Variants in RNF128 observed in about 807,000 individuals in gnomAD.
RNF128 encodes the protein ring finger protein 128.
RNF128 carries 13 observed loss-of-function variants against 26.2 expected under a neutral mutation model. That is an observed-to-expected ratio of 0.50 (90% CI 0.32 to 0.79). RNF128 has a LOEUF of 0.79. Ranked by LOEUF, RNF128 falls within the 30% of genes least tolerant of loss-of-function variation. RNF128 has a pLI of 0.03. For synonymous variants in RNF128, 149 were observed against 142.5 expected (o/e 1.05, Z -0.32); for missense variants, 315 against 349.7 (o/e 0.90, Z 0.79).
chrX:106,702,239 C>CA (rs762171747), intron 1 of RNF128, among the ~76,000 whole-genome samples: 167 of 111,281 alleles, frequency 1.5e-3, no homozygotes, highest in Non-Finnish European at 2.9e-3. Flanking sequence ...CTTTCAAGTA[C>CA]ATTTCATCTC....
chrX:106,766,598 T>G (rs1930249787), intron 1 of RNF128, among the ~76,000 whole-genome samples: 1 of 112,474 alleles, frequency 8.9e-6, no homozygotes, highest in African/African-American at 3.2e-5. Flanking sequence ...AAGTTCATTG[T>G]AGATTCTGGA....
chrX:106,704,810 G>C lies in RNF128; in HGVS notation c.406+10402G>C, dbSNP rs753183809. Among the ~76,000 whole-genome samples, 195 of 112,026 alleles carry C rather than the reference G, an allele frequency of 1.7e-3. 1 individual carries two copies. Among genetic ancestry groups the C allele is most frequent in the Non-Finnish European group, 3.3e-3 (176 of 53,202 alleles). On this transcript the variant is annotated intron_variant, in intron 1 of 6. Transcript: ENST00000324342. ...TTGGGAAACTAGCTAAGGATGGAAT[G>C]AATGTGATACCAGGTGGCAATAATG...
intron 1 of RNF128, among the ~76,000 whole-genome samples, chrX:106,754,252 C>T (rs1929954013): frequency 9.2e-6 from 1 of 108,690 alleles, no homozygotes. Context: ...CAAGTTCTCA[C>T]TCTGTTGCCC....
chrX:106,745,342 A>G (rs971699168), intron 1 of RNF128, among the ~76,000 whole-genome samples: 4 of 111,776 alleles, frequency 3.6e-5, no homozygotes, highest in African/African-American at 1.3e-4. Flanking sequence ...CCAAAAGATG[A>G]TCTGTGATAA....
chrX:106,693,948 T>C (rs1235023304), exon 1 of RNF128: 2 of 1,070,705 alleles, frequency 1.9e-6, no homozygotes, highest in African/African-American at 3.7e-5. Context: ...CAATGGTGAC[T>C]GATAGTTGGA....
At chrX:106,767,788 G>A (rs1248105809) in intron 1 of RNF128, among the ~76,000 whole-genome samples, 1 of 111,688 alleles carries the variant, frequency 9.0e-6, no homozygotes, top group Non-Finnish European at 1.9e-5. Flanking sequence ...TCCCTGTCTT[G>A]TGCCAGTTTT....
intron 1 of RNF128, among the ~76,000 whole-genome samples, chrX:106,728,405 A>G (rs1929446542): frequency 8.9e-6 from 1 of 112,063 alleles, no homozygotes; most frequent in Non-Finnish European, 1.9e-5. Context: ...TTCTCTCATC[A>G]GTCAAATGAG....
intron 1 of RNF128, among the ~76,000 whole-genome samples, chrX:106,764,095 T>C (rs982193776): frequency 9.1e-6 from 1 of 109,511 alleles, no homozygotes; most frequent in African/African-American, 3.3e-5. Flanking sequence ...CCCCAGTAGC[T>C]GGGGCTACAG....
At chrX:106,765,921 A>G (rs1602384417) in intron 1 of RNF128, among the ~76,000 whole-genome samples, 1 of 81,667 alleles carries the variant, frequency 1.2e-5, no homozygotes, top group Admixed American at 1.9e-4. Context: ...CCCTGTGTCC[A>G]AGTGTTCTCA....
In RNF128 at chrX:106,796,847, G is replaced by A. The variant is rs1034506221; in HGVS notation, c.*1134G>A. 8.9e-6 allele frequency: 1 copy of A among 111,819 alleles called. No individual in the cohort carries two copies. The allele number at this position is 111,819 out of a possible 1,213,427, so 9.2% of individuals were successfully genotyped here. On this transcript the variant is annotated 3_prime_UTR_variant, in exon 7 of 7. Transcript: ENST00000255499. The stretch of plus-strand genomic sequence containing the variant: ...TTTGTTCAAATTATAGCAGAATTTA[G>A]GCAAAAATAAAACAGACATGTATTT...
intron 1 of RNF128, among the ~76,000 whole-genome samples, chrX:106,759,378 T>C (rs943123771): frequency 6.3e-5 from 7 of 111,538 alleles, no homozygotes; most frequent in Admixed American, 4.8e-4. Context: ...ATATGGAGGT[T>C]CCTCAGAAAA....
At chrX:106,694,889 A>G (rs779510750) in intron 1 of RNF128, among the ~76,000 whole-genome samples, 6 of 111,665 alleles carry the variant, frequency 5.4e-5, no homozygotes, top group Middle Eastern at 4.6e-3. Flanking sequence ...ACTCTACTGT[A>G]TGCTTGTAAG....
chrX:106,749,113 G>A (rs1313637528), intron 1 of RNF128, among the ~76,000 whole-genome samples: 2 of 111,210 alleles, frequency 1.8e-5, no homozygotes, highest in African/African-American at 3.3e-5. Flanking sequence ...CCAAAATCTT[G>A]TTTAATATGA....
At chrX:106,730,228 A>G (rs1409412816) in intron 1 of RNF128, among the ~76,000 whole-genome samples, 1 of 112,423 alleles carries the variant, frequency 8.9e-6, no homozygotes, top group Non-Finnish European at 1.9e-5. Flanking sequence ...AAATTTTTCA[A>G]AAGTTAATTG....
Position 106,795,851 on chromosome X carries a change from T to C in RNF128, c.*138T>C. On this transcript the variant is annotated 3_prime_UTR_variant, in exon 7 of 7. Coordinates refer to ENST00000255499, the MANE Select transcript of RNF128 (RefSeq NM_194463.2). ...TGCTCAGATGACTAATATTATGCTA[T>C]AGTTAAATGGCTTAAAATATTTAAC... 2.2e-6 allele frequency: 1 copy of C among 445,186 alleles called. No homozygotes were observed. Among genetic ancestry groups the C allele is most frequent in the Non-Finnish European group, 3.5e-6 (1 of 285,673 alleles). The allele number at this position is 445,186 out of a possible 1,213,427, so 36.7% of individuals were successfully genotyped here. A position where few individuals can be genotyped will look rare whatever the true frequency, so the allele number is the denominator to read the frequency against.
chrX:106,769,344 T>A (rs1198901017), intron 1 of RNF128, among the ~76,000 whole-genome samples: 14 of 110,670 alleles, frequency 1.3e-4, no homozygotes, highest in Admixed American at 9.6e-5. Context: ...ATTGTGTGCG[T>A]GTCTAAGTCT....
intron 1 of RNF128, among the ~76,000 whole-genome samples, chrX:106,704,206 A>C (rs181648143): frequency 0.045 from 4,975 of 109,639 alleles, 294 homozygotes; most frequent in African/African-American, 0.16. Flanking sequence ...GGGGCCAAGA[A>C]GGGCAGATCA....
At chrX:106,761,513 G>A (rs1930120276) in intron 1 of RNF128, among the ~76,000 whole-genome samples, 1 of 111,332 alleles carries the variant, frequency 9.0e-6, no homozygotes, top group Non-Finnish European at 1.9e-5. Context: ...CAATAGCAAA[G>A]TCATGGAATC....
chrX:106,718,614 T>C (rs972442833), intron 1 of RNF128, among the ~76,000 whole-genome samples: 4 of 109,994 alleles, frequency 3.6e-5, no homozygotes, highest in Non-Finnish European at 1.9e-5. Context: ...GCATCTGGGC[T>C]TTTTTTTCCT....
Sources: allele counts gnomAD v4.1 joint callset (sites outside exome capture counted in the v4.1 genomes callset), GRCh38; gene constraint gnomAD v4.1.1; transcripts MANE v1.5; gene names NCBI Gene and HGNC (gene_info 2026-07-23, HGNC 2026-07-21).